RBM33: variants seen among roughly 807,000 people sequenced by gnomAD.
RBM33 encodes the protein RNA-binding protein 33.
Under a neutral mutation model 132.6 loss-of-function variants are expected in RBM33, and 28 were observed. The observed-to-expected ratio is 0.21, with a 90% CI of 0.16 to 0.29. The LOEUF is 0.29. Ranked by LOEUF, RBM33 falls within the 10% of genes least tolerant of loss-of-function variation. The pLI, the probability that RBM33 is intolerant of heterozygous loss-of-function variation, is 1.00. For synonymous variants in RBM33, 634 were observed against 593.0 expected, an observed-to-expected ratio of 1.07 and a Z score of -1.01; for missense variants, 1,291 against 1,518.5, an observed-to-expected ratio of 0.85 and a Z score of 2.49.
chr7:155,728,459 C>T lies in RBM33; in HGVS notation c.1261-9071C>T, dbSNP rs1260803987. On this transcript the variant is annotated intron_variant, in intron 9 of 17. Transcript: ENST00000401878. ...GCAAATCCTTCTTTCTCCGTTCTTA[C>T]TCTATTTAACTAAATTCCAAGGTCA... 2.6e-5 allele frequency among the ~76,000 whole-genome samples: 4 copies of T among 152,166 alleles called. No homozygotes were observed. The East Asian group carries it at 7.7e-4, about 29-fold the overall frequency.
intron 8 of RBM33, among the ~76,000 whole-genome samples, chr7:155,715,922 G>A (rs1800447508): frequency 6.6e-6 from 1 of 152,188 alleles, no homozygotes; most frequent in South Asian, 2.1e-4. Context: ...ATCTTCTTCT[G>A]ATGGCACAGA....
chr7:155,718,967 T>TCA (rs879367019), intron 9 of RBM33, among the ~76,000 whole-genome samples: 7 of 151,260 alleles, frequency 4.6e-5, no homozygotes, highest in South Asian at 4.2e-4. Flanking sequence ...TCTCTCTCTC[T>TCA]CACACACACA....
intron 5 of RBM33, among the ~76,000 whole-genome samples, chr7:155,695,258 A>G (rs955584490): frequency 6.6e-6 from 1 of 152,062 alleles, no homozygotes; most frequent in Non-Finnish European, 1.5e-5. Context: ...TATATATCCT[A>G]TATATTTTTC....
chr7:155,709,571 G>A (rs892465563), intron 7 of RBM33, among the ~76,000 whole-genome samples: 3 of 152,132 alleles, frequency 2.0e-5, no homozygotes, highest in Non-Finnish European at 4.4e-5. Flanking sequence ...GGCCCTGAAT[G>A]TCACTTGTTT....
chr7:155,752,927 G>A (rs1259574802), intron 14 of RBM33, among the ~76,000 whole-genome samples: 2 of 152,108 alleles, frequency 1.3e-5, no homozygotes, highest in Non-Finnish European at 2.9e-5. Context: ...TTTCAGAGCC[G>A]GCTCCTGATG....
At chr7:155,731,618 C>T (rs948803705) in intron 9 of RBM33, among the ~76,000 whole-genome samples, 1 of 152,074 alleles carries the variant, frequency 6.6e-6, no homozygotes, top group Non-Finnish European at 1.5e-5. Context: ...CCGGGCTGGA[C>T]GGAGCAGGAT....
intron 9 of RBM33, among the ~76,000 whole-genome samples, chr7:155,720,635 C>G (rs904118383): frequency 6.6e-6 from 1 of 152,108 alleles, no homozygotes; most frequent in African/African-American, 2.4e-5. Flanking sequence ...ATAAAATGAA[C>G]CAAGCATCAT....
chr7:155,708,616 A>T (rs1322780095), intron 7 of RBM33, among the ~76,000 whole-genome samples: 1 of 152,212 alleles, frequency 6.6e-6, no homozygotes, highest in Non-Finnish European at 1.5e-5. Context: ...CTCAATCCTG[A>T]TGGTGACGTT....
At chr7:155,710,400 G>A (rs531086525) in intron 7 of RBM33, among the ~76,000 whole-genome samples, 16 of 152,314 alleles carry the variant, frequency 1.1e-4, no homozygotes, top group African/African-American at 2.6e-4. Context: ...TCTACTGACC[G>A]TATAGTAGGA....
chr7:155,688,689 G>C (rs377541646), intron 5 of RBM33, among the ~76,000 whole-genome samples: 1 of 152,128 alleles, frequency 6.6e-6, no homozygotes, highest in Non-Finnish European at 1.5e-5. Flanking sequence ...AGCATGAAGG[G>C]CTGTTAAATT....
chr7:155,739,806 AG>A lies in RBM33; in HGVS notation c.1830del (p.Gln610HisfsTer40). 1.6e-6 allele frequency: 2 copies of A among 1,227,770 alleles called. No individual in the cohort carries two copies. Among genetic ancestry groups the A allele is most frequent in the Non-Finnish European group, 2.2e-6 (2 of 920,140 alleles). The allele number at this position is 1,227,770 out of a possible 1,614,324, so 76.1% of individuals were successfully genotyped here. ...CCGCCACAGCACCAGCCTCCGCACC[AG>A]CCCCCGCACCAGCCCCCGCCCCAGC... ...QPPPQHQPPH[Q>X]PPHQPPPQHQ... On this transcript the variant is annotated frameshift_variant, in exon 12 of 18. Coordinates refer to ENST00000401878, the MANE Select transcript of RBM33 (RefSeq NM_053043.3). LOFTEE classifies it high-confidence loss of function.
intron 5 of RBM33, among the ~76,000 whole-genome samples, chr7:155,682,959 C>T (rs1799375587): frequency 6.6e-6 from 1 of 151,732 alleles, no homozygotes; most frequent in African/African-American, 2.4e-5. Flanking sequence ...ACTCACGGTA[C>T]TCTTCCACAT....
intron 9 of RBM33, among the ~76,000 whole-genome samples, chr7:155,735,726 TCTCTCTCTCTCTCTCC>T (rs71186058): frequency 0.25 from 37,197 of 151,604 alleles, 4,882 homozygotes; most frequent in African/African-American, 0.34. Context: ...TCTGTCTCTC[TCTCTCTCTCTCTCTCC>T]CTCTCTCAGG....
Position 155,700,893 on chromosome 7 carries a change from A to G in RBM33, c.688A>G (p.Ile230Val), listed in dbSNP as rs767481383. The change falls in exon 6 of 18, where the codon ATT becomes GTT. Residue 230 changes from isoleucine (I) to valine (V), a missense_variant. Ile to Val is a conservative substitution (Grantham distance 29). This residue lies in a region of RBM33 where 11 missense variants were observed against 39.4 expected (regional missense o/e 0.28). Coordinates refer to ENST00000401878, the MANE Select transcript of RBM33 (RefSeq NM_053043.3). The part of the protein sequence containing the change: ...FKTERKEGTI[I>V]RLSDVTRERR... The stretch of plus-strand genomic sequence containing the variant: ...AACTGAAAGGAAAGAAGGAACAATT[A>G]TTAGGCTCTCAGATGTAACTAGAGA... 6.2e-7 allele frequency: 1 copy of G among 1,613,132 alleles called. No individual in the cohort carries two copies. Among genetic ancestry groups the G allele is most frequent in the Non-Finnish European group, 8.5e-7 (1 of 1,179,614 alleles).
chr7:155,669,021 T>C (rs1798873942), intron 2 of RBM33, among the ~76,000 whole-genome samples: 1 of 152,204 alleles, frequency 6.6e-6, no homozygotes, highest in African/African-American at 2.4e-5. Context: ...TTGCAGTTGT[T>C]TCATATTGTT....
intron 3 of RBM33, among the ~76,000 whole-genome samples, chr7:155,673,768 G>GCGCGCGCGCACTCACACA (rs1554469952): frequency 7.5e-6 from 1 of 132,962 alleles, no homozygotes; most frequent in African/African-American, 3.2e-5. Flanking sequence ...GCGCATGCGC[G>GCGCGCGCGCACTCACACA]CACACACACA....
chr7:155,700,545 C>CTTTTTTTTTTTTTTTTTTTTTT (rs1563150189), intron 5 of RBM33, among the ~76,000 whole-genome samples: 1 of 82,804 alleles, frequency 1.2e-5, no homozygotes, highest in Non-Finnish European at 2.4e-5. Context: ...AAGAATTTGA[C>CTTTTTTTTTTTTTTTTTTTTTT]CTTTTTTTTT....
intron 5 of RBM33, 95 bp from the exon 6 acceptor site, chr7:155,700,678 A>G: frequency 1.0e-6 from 1 of 965,256 alleles, no homozygotes. Flanking sequence ...TACATCTGAA[A>G]TATAAACAAT....
At chr7:155,707,533 A>G (rs1343067764) in intron 7 of RBM33, among the ~76,000 whole-genome samples, 1 of 152,236 alleles carries the variant, frequency 6.6e-6, no homozygotes, top group African/African-American at 2.4e-5. Context: ...CATGTCCTCC[A>G]TACAAAGCTT....
Sources: gnomAD v4.1 joint callset for allele counts (sites outside exome capture counted in the v4.1 genomes callset) on GRCh38, gnomAD v4.1.1 for gene constraint, gnomAD v4.1.1 regional missense constraint, MANE v1.5 for transcripts, NCBI Gene and HGNC (gene_info 2026-07-23, HGNC 2026-07-21) for gene names.